Variants in ADAM7 observed in about 807,000 individuals in gnomAD.
The protein encoded by ADAM7 is ADAM metallopeptidase domain 7.
A neutral mutation model predicts 102.9 loss-of-function variants in ADAM7; 97 were observed. That is an observed-to-expected ratio of 0.94 (90% CI 0.80 to 1.12). The LOEUF is 1.12. Ranked by LOEUF, ADAM7 falls within the 50% of genes most tolerant of loss-of-function variation. The probability of loss-of-function intolerance (pLI) is 0.00; values close to 1 mark genes in which losing one functional copy is unlikely to be tolerated. For synonymous variants in ADAM7, 334 were observed against 304.4 expected (o/e 1.10, Z -1.01); for missense variants, 991 against 908.7 (o/e 1.09, Z -1.16).
intron 4 of ADAM7, among the ~76,000 whole-genome samples, chr8:24,465,496 A>G (rs750129740): frequency 2.0e-5 from 3 of 152,242 alleles, no homozygotes; most frequent in Non-Finnish European, 4.4e-5. Flanking sequence ...ACACAACATA[A>G]TCACATAATT....
chr8:24,478,149 A>G (rs1819831028), intron 8 of ADAM7, among the ~76,000 whole-genome samples: 1 of 152,184 alleles, frequency 6.6e-6, no homozygotes, highest in African/African-American at 2.4e-5. Flanking sequence ...TCAGGATCTC[A>G]GAATGAGGAA....
chr8:24,476,400 T>A (rs1326303642), intron 7 of ADAM7, 33 bp from the exon 8 acceptor site: 13 of 1,468,054 alleles, frequency 8.9e-6, no homozygotes, highest in Non-Finnish European at 1.1e-5. Context: ...CTCCTATTAT[T>A]AATGAATATT....
Position 24,448,500 on chromosome 8 carries a change from A to C in ADAM7, c.233+1238A>C, listed in dbSNP as rs1455999845. 3.3e-5 allele frequency among the ~76,000 whole-genome samples: 5 copies of C among 152,274 alleles called. No individual in the cohort carries two copies. In the South Asian group the frequency reaches 1.0e-3, roughly 32 times the overall value. On this transcript the variant is annotated intron_variant, in intron 3 of 21. Coordinates refer to ENST00000175238, the MANE Select transcript of ADAM7 (RefSeq NM_003817.4). ...TCTACAAAGTAAATGAATTTAGTGC[A>C]TACCACAGAGCCTCTAAATCTGTGA... is the stretch of plus-strand genomic sequence containing the variant.
rs1820373121 is a variant in ADAM7, at chr8:24,491,910, A to C, written c.1364A>C (p.Lys455Thr). 1.2e-6 allele frequency: 2 copies of C among 1,600,604 alleles called. No homozygotes were observed. The highest frequency in any genetic ancestry group is 3.5e-5 in the Admixed American group (2 of 57,302). ...GECCESCQIKKAGSICRPAKD... is the reference protein window; with the variant it reads ...GECCESCQIKTAGSICRPAKD... ...TTTGTTTTTCCTCAACAGATAAAAA[A>C]AGCAGGGTCCATATGCAGACCGGCG... The change falls in exon 14 of 22, where the codon AAA (lysine) becomes ACA (threonine). Residue 455 changes from lysine to threonine, a missense_variant. Transcript: ENST00000175238.
chr8:24,485,029 C>T (rs770133579), intron 9 of ADAM7, among the ~76,000 whole-genome samples: 1 of 151,974 alleles, frequency 6.6e-6, no homozygotes, highest in South Asian at 2.1e-4. Context: ...TGGTCTCGAT[C>T]TCTTGACCTC....
chr8:24,463,776 G>T, intron 3 of ADAM7, 106 bp from the exon 4 acceptor site: 1 of 874,182 alleles, frequency 1.1e-6, no homozygotes, highest in Non-Finnish European at 1.8e-6. Context: ...AGAGGATCTT[G>T]CTGAGATTTG....
chr8:24,507,355 C>A, intron 20 of ADAM7, 125 bp from the exon 21 acceptor site: 1 of 670,856 alleles, frequency 1.5e-6, no homozygotes, highest in Non-Finnish European at 2.6e-6. Flanking sequence ...TTTCATGGAG[C>A]AAGCAGAGGT....
Position 24,493,124 on chromosome 8 carries a change from G to A in ADAM7, c.1737G>A (p.Lys579=). The change falls in exon 16 of 22, where the codon AAG becomes AAA. Residue 579 remains lysine (K), a synonymous_variant. Transcript: ENST00000175238. ...LLGEDKTYHL[K]DPQKNATVKC... Reference sequence around the variant, plus strand: ...GAGAAGACAAGACTTATCACCTTAAGGATCCCCAGAAGAATGCTACTGTCA... The same window carrying A: ...GAGAAGACAAGACTTATCACCTTAAAGATCCCCAGAAGAATGCTACTGTCA... 1.2e-6 allele frequency: 2 copies of A among 1,613,258 alleles called. No homozygotes were observed. The highest frequency in any genetic ancestry group is 4.5e-5 in the East Asian group (2 of 44,804).
chr8:24,444,588 C>A (rs550001871), intron 2 of ADAM7, among the ~76,000 whole-genome samples: 1 of 151,946 alleles, frequency 6.6e-6, no homozygotes, highest in South Asian at 2.1e-4. Flanking sequence ...TCTGTAACAT[C>A]AGTCTAAGCA....
intron 3 of ADAM7, among the ~76,000 whole-genome samples, chr8:24,452,794 G>T (rs1376328321): frequency 2.0e-5 from 3 of 151,696 alleles, no homozygotes; most frequent in Non-Finnish European, 2.9e-5. Context: ...GGTACCAGTT[G>T]TTCCTTTCCA....
At chr8:24,477,614 C>A (rs990967032) in intron 8 of ADAM7, among the ~76,000 whole-genome samples, 3 of 114,176 alleles carry the variant, frequency 2.6e-5, no homozygotes, top group African/African-American at 1.0e-4. Context: ...GTGTTGGATT[C>A]TCTGAACTTC....
chr8:24,508,921 A>G lies in ADAM7; in HGVS notation c.*375A>G, dbSNP rs1821035105. ...TCTAAGAAGAAAACATTGCATATAAAAAGTTACTTTTTTGGAAACATAAAA... is the reference window on the plus strand; with the variant it reads ...TCTAAGAAGAAAACATTGCATATAAGAAGTTACTTTTTTGGAAACATAAAA... On this transcript the variant is annotated 3_prime_UTR_variant, in exon 22 of 22. Transcript: ENST00000175238. 9.4e-7 allele frequency: 1 copy of G among 1,058,316 alleles called. No individual in the cohort carries two copies. Among genetic ancestry groups the G allele is most frequent in the South Asian group, 4.4e-5 (1 of 22,564 alleles). 65.6% of individuals were successfully genotyped at this position (1,058,316 alleles called of 1,614,324 possible).
intron 16 of ADAM7, among the ~76,000 whole-genome samples, chr8:24,493,431 C>T (rs1315970076): frequency 6.6e-6 from 1 of 151,944 alleles, no homozygotes; most frequent in African/African-American, 2.4e-5. Context: ...CCAAATGACC[C>T]ATAATTGTTA....
intron 8 of ADAM7, 97 bp downstream of exon 8, chr8:24,476,601 T>C: frequency 2.3e-6 from 2 of 866,888 alleles, no homozygotes; most frequent in Non-Finnish European, 3.6e-6. Flanking sequence ...TACCTGATAT[T>C]AAGGGAGTAC....
intron 2 of ADAM7, among the ~76,000 whole-genome samples, chr8:24,442,913 G>A (rs1818423513): frequency 6.6e-6 from 1 of 152,164 alleles, no homozygotes; most frequent in Admixed American, 6.6e-5. Flanking sequence ...GGTCTGGTAT[G>A]CAAGGTTTTT....
chr8:24,474,269 G>C (rs1819698152), intron 7 of ADAM7, among the ~76,000 whole-genome samples: 1 of 152,078 alleles, frequency 6.6e-6, no homozygotes, highest in African/African-American at 2.4e-5. Flanking sequence ...GCTTACACTG[G>C]CATGTTGCTG....
intron 2 of ADAM7, 114 bp downstream of exon 2, chr8:24,442,690 A>G (rs918718811): frequency 2.4e-6 from 2 of 820,074 alleles, no homozygotes; most frequent in African/African-American, 1.7e-5. Context: ...TTTTCTAAGG[A>G]CTCCCATTCG....
intron 20 of ADAM7, among the ~76,000 whole-genome samples, chr8:24,504,063 T>TAAAATAAAATAAAATAAAATAAAATA (rs368461387): frequency 3.4e-5 from 4 of 118,318 alleles, no homozygotes; most frequent in African/African-American, 1.2e-4. Context: ...TAAAATAAAA[T>TAAAATAAAATAAAATAAAATAAAATA]AAATAAAATA....
At chr8:24,461,944 T>C (rs1819256630) in intron 3 of ADAM7, among the ~76,000 whole-genome samples, 1 of 152,244 alleles carries the variant, frequency 6.6e-6, no homozygotes, top group African/African-American at 2.4e-5. Flanking sequence ...AAGTCTTATC[T>C]GTAATTTCAA....
Sources: gnomAD v4.1 joint callset for allele counts (sites outside exome capture counted in the v4.1 genomes callset) on GRCh38, gnomAD v4.1.1 for gene constraint, MANE v1.5 for transcripts, NCBI Gene and HGNC (gene_info 2026-07-23, HGNC 2026-07-21) for gene names.